The following KATNAL1 variants were observed in gnomAD, a reference collection of about 807,000 sequenced individuals.
KATNAL1 encodes the protein katanin p60 ATPase-containing subunit A-like 1.
A neutral mutation model predicts 55.2 loss-of-function variants in KATNAL1; 32 were observed. That is an observed-to-expected ratio of 0.58 (90% confidence interval 0.44 to 0.78). KATNAL1 has a LOEUF of 0.78. Ranked by LOEUF, KATNAL1 falls within the 30% of genes least tolerant of loss-of-function variation. KATNAL1 has a pLI of 0.00. For synonymous variants in KATNAL1, 193 were observed against 193.6 expected, an observed-to-expected ratio of 1.00 and a Z score of 0.02; for missense variants, 466 against 600.9, an observed-to-expected ratio of 0.78 and a Z score of 2.35.
intron 4 of KATNAL1, among the ~76,000 whole-genome samples, chr13:30,254,589 T>C (rs759119842): frequency 3.3e-5 from 5 of 152,216 alleles, no homozygotes; most frequent in Non-Finnish European, 7.3e-5. Flanking sequence ...GTAATAAAAA[T>C]ATTCAAATAC....
At chr13:30,291,109 T>C (rs1882104081) in intron 1 of KATNAL1, among the ~76,000 whole-genome samples, 1 of 152,162 alleles carries the variant, frequency 6.6e-6, no homozygotes, top group African/African-American at 2.4e-5. Flanking sequence ...AATAAGGCGA[T>C]ACAAAAATAA....
intron 1 of KATNAL1, among the ~76,000 whole-genome samples, chr13:30,287,873 A>T (rs1881894326): frequency 6.6e-6 from 1 of 152,208 alleles, no homozygotes. Flanking sequence ...CTAACAAGTA[A>T]ATATTTTAGG....
intron 4 of KATNAL1, among the ~76,000 whole-genome samples, chr13:30,245,962 C>T (rs1183471688): frequency 6.6e-6 from 1 of 152,148 alleles, no homozygotes; most frequent in African/African-American, 2.4e-5. Context: ...GTGAAAATGG[C>T]CATACTGCCC....
At chr13:30,262,532 G>A (rs9550545) in intron 3 of KATNAL1, among the ~76,000 whole-genome samples, 22,776 of 151,996 alleles carry the variant, frequency 0.15, 2,230 homozygotes, top group East Asian at 0.33. Context: ...AATGGTAAAG[G>A]GGATATCACC....
At chr13:30,303,110 T>C (rs1036159967) in intron 1 of KATNAL1, among the ~76,000 whole-genome samples, 2 of 152,218 alleles carry the variant, frequency 1.3e-5, no homozygotes, top group African/African-American at 4.8e-5. Flanking sequence ...GCTTTTACAA[T>C]TACTAATGGA....
chr13:30,274,909 A>ACGCGCGCG (rs1287247206), intron 3 of KATNAL1, among the ~76,000 whole-genome samples: 1 of 60,252 alleles, frequency 1.7e-5, no homozygotes, highest in Admixed American at 1.6e-4. Context: ...GCGCGCGCGC[A>ACGCGCGCG]CACACACACA....
chr13:30,239,906 G>C (rs145098692), intron 6 of KATNAL1, among the ~76,000 whole-genome samples: 4 of 152,074 alleles, frequency 2.6e-5, no homozygotes, highest in African/African-American at 9.6e-5. Context: ...GGATGGTCTC[G>C]ATCTCCTGGC....
At chr13:30,242,914 A>G (rs909443706) in intron 4 of KATNAL1, among the ~76,000 whole-genome samples, 3 of 152,224 alleles carry the variant, frequency 2.0e-5, no homozygotes, top group Admixed American at 2.0e-4. Context: ...AATGGGTGAC[A>G]GTTATTCTTC....
At chr13:30,275,921 A>G (rs1489628045) in intron 3 of KATNAL1, among the ~76,000 whole-genome samples, 1 of 152,234 alleles carries the variant, frequency 6.6e-6, no homozygotes, top group African/African-American at 2.4e-5. Context: ...AGAATAGCTT[A>G]TTGAATATAT....
chr13:30,213,585 G>A (rs1474122740), intron 9 of KATNAL1, among the ~76,000 whole-genome samples: 2 of 152,110 alleles, frequency 1.3e-5, no homozygotes, highest in Admixed American at 1.3e-4. Context: ...ATGATCAAAT[G>A]GGCTTCAACC....
intron 1 of KATNAL1, chr13:30,296,299 C>A: frequency 5.7e-6 from 7 of 1,220,286 alleles, no homozygotes; most frequent in Non-Finnish European, 8.1e-6. Flanking sequence ...CTTTTGTGTG[C>A]CCCACGGAGA....
chr13:30,284,708 C>T (rs1251319286), intron 1 of KATNAL1, among the ~76,000 whole-genome samples: 1 of 152,060 alleles, frequency 6.6e-6, no homozygotes, highest in East Asian at 1.9e-4. Context: ...TCTTTTTGGC[C>T]ATGCAAATAA....
Position 30,205,750 on chromosome 13 carries a change from C to CTCTGTGTGTGTGTGTGTGTGTGTGTGTG in KATNAL1, c.*2789_*2790insCACACACACACACACACACACACACAGA, listed in dbSNP as rs146509188. 2 of 137,402 alleles carry CTCTGTGTGTGTGTGTGTGTGTGTGTGTG rather than the reference C, an allele frequency of 1.5e-5. No homozygotes were observed. The highest frequency in any genetic ancestry group is 5.6e-5 in the African/African-American group (2 of 35,838). 8.5% of individuals were successfully genotyped at this position (137,402 alleles called of 1,614,324 possible). A position where few individuals can be genotyped will look rare whatever the true frequency, so the allele number is the denominator to read the frequency against. On this transcript the variant is annotated 3_prime_UTR_variant, in exon 11 of 11. Transcript: ENST00000380615. ...AACACACTGTCTTCTGCAATAAAGA[C>CTCTGTGTGTGTGTGTGTGTGTGTGTGTG]TGTGTGTGTGTGTGTGTGTGTGTGT... is the stretch of plus-strand genomic sequence containing the variant.
intron 3 of KATNAL1, among the ~76,000 whole-genome samples, chr13:30,264,816 G>A (rs1411768882): frequency 1.5e-4 from 18 of 121,216 alleles, no homozygotes; most frequent in African/African-American, 3.8e-4. Flanking sequence ...TCAGTGTGGC[G>A]ATTCCTCAGG....
rs554206748 is a variant in KATNAL1, at chr13:30,211,961, G to A, written c.1148-1519C>T. On this transcript the variant is annotated intron_variant, in intron 9 of 10. Transcript: ENST00000380615. ...ATTTATGACAGAGGTGGTTCAGGCC[G>A]TGAGGGGAAGGAGTGTCTTTTCAAT... is the stretch of plus-strand genomic sequence containing the variant. Among the ~76,000 whole-genome samples, 22 of 152,316 alleles carry A rather than the reference G, an allele frequency of 1.4e-4. No individual in the cohort carries two copies. In the East Asian group the frequency reaches 3.3e-3, roughly 23 times the overall value.
intron 3 of KATNAL1, among the ~76,000 whole-genome samples, chr13:30,274,907 G>GCGCACGCACACA (rs869107567): frequency 2.8e-5 from 3 of 105,390 alleles, no homozygotes; most frequent in Admixed American, 1.8e-4. Context: ...GCGCGCGCGC[G>GCGCACGCACACA]CACACACACA....
chr13:30,291,836 G>A (rs984180880), intron 1 of KATNAL1, among the ~76,000 whole-genome samples: 2 of 152,110 alleles, frequency 1.3e-5, no homozygotes, highest in Non-Finnish European at 2.9e-5. Context: ...GAGAGTTCAA[G>A]ACCAGCCTGA....
chr13:30,235,933 A>T (rs1876626587), intron 6 of KATNAL1, among the ~76,000 whole-genome samples: 1 of 152,168 alleles, frequency 6.6e-6, no homozygotes, highest in African/African-American at 2.4e-5. Flanking sequence ...TTGTATATGT[A>T]TTGTATATGG....
At chr13:30,235,237 C>G (rs570136458) in intron 6 of KATNAL1, among the ~76,000 whole-genome samples, 2 of 152,192 alleles carry the variant, frequency 1.3e-5, no homozygotes, top group African/African-American at 4.8e-5. Flanking sequence ...GCAGGCTGTA[C>G]GGGAAGCATG....
Sources: allele counts gnomAD v4.1 joint callset (sites outside exome capture counted in the v4.1 genomes callset), GRCh38; gene constraint gnomAD v4.1.1; transcripts MANE v1.5; gene names NCBI Gene and HGNC (gene_info 2026-07-23, HGNC 2026-07-21).